ACSS1: variants seen among roughly 807,000 people sequenced by gnomAD.
The protein encoded by ACSS1 is acetyl-coenzyme A synthetase 2-like, mitochondrial.
Under a neutral mutation model 75.3 loss-of-function variants are expected in ACSS1, and 42 were observed. That is an observed-to-expected ratio of 0.56 (90% confidence interval 0.44 to 0.72). The LOEUF is 0.72. ACSS1 is among the 30% of genes least tolerant of loss of function. The pLI is 0.00. For synonymous variants in ACSS1, 380 were observed against 376.8 expected (o/e 1.01, Z -0.10); for missense variants, 782 against 935.7 (o/e 0.84, Z 2.14).
intron 2 of ACSS1, among the ~76,000 whole-genome samples, chr20:25,042,684 A>T (rs1043000151): frequency 2.6e-5 from 4 of 152,106 alleles, no homozygotes; most frequent in African/African-American, 9.7e-5. Context: ...GGCACACTTT[A>T]GCTGATGTAC....
chr20:25,028,675 G>A (rs886491292), intron 3 of ACSS1, among the ~76,000 whole-genome samples: 19 of 152,100 alleles, frequency 1.2e-4, no homozygotes, highest in African/African-American at 4.3e-4. Flanking sequence ...GAAAACATAC[G>A]AACAGGGAGG....
chr20:25,040,744 C>G (rs1442848092), intron 2 of ACSS1, among the ~76,000 whole-genome samples: 2 of 152,180 alleles, frequency 1.3e-5, no homozygotes, highest in African/African-American at 2.4e-5. Flanking sequence ...AGCCTGGGAG[C>G]CTGCAGCCCC....
chr20:25,031,665 AC>A (rs1309360589), intron 2 of ACSS1, among the ~76,000 whole-genome samples: 5 of 152,098 alleles, frequency 3.3e-5, no homozygotes, highest in African/African-American at 1.2e-4. Context: ...ATCTCTTTTC[AC>A]TGCGCTCTGC....
At chr20:25,018,620 C>G (rs144292395) in intron 7 of ACSS1, among the ~76,000 whole-genome samples, 190 of 152,330 alleles carry the variant, frequency 1.2e-3, no homozygotes, top group Non-Finnish European at 1.6e-3. Context: ...TCTCTGACCT[C>G]TCTGTGCCTC....
intron 6 of ACSS1, among the ~76,000 whole-genome samples, chr20:25,021,090 G>A (rs977665025): frequency 6.6e-6 from 1 of 152,226 alleles, no homozygotes; most frequent in Non-Finnish European, 1.5e-5. Flanking sequence ...GCCTAGAGGT[G>A]AGAAGGATGC....
At chr20:25,024,888 G>A (rs1489508616) in intron 3 of ACSS1, among the ~76,000 whole-genome samples, 1 of 152,124 alleles carries the variant, frequency 6.6e-6, no homozygotes, top group Non-Finnish European at 1.5e-5. Context: ...CTGCCCAGAT[G>A]CAGCCACCCC....
chr20:25,017,042 GA>G (rs1219309700), intron 7 of ACSS1, among the ~76,000 whole-genome samples: 1 of 151,442 alleles, frequency 6.6e-6, no homozygotes, highest in Non-Finnish European at 1.5e-5. Flanking sequence ...GCCTGGACTG[GA>G]GTGCAGTGGC....
At chr20:25,011,379 G>C (rs572388819) in intron 12 of ACSS1, 7 of 152,484 alleles carry the variant, frequency 4.6e-5, no homozygotes, top group Admixed American at 3.9e-4. Flanking sequence ...GTGGCCCCAG[G>C]GAGTACTGGC....
chr20:25,029,327 A>T (rs1427346841), intron 3 of ACSS1, among the ~76,000 whole-genome samples: 2 of 152,234 alleles, frequency 1.3e-5, no homozygotes, highest in Non-Finnish European at 2.9e-5. Context: ...CCACAATGAG[A>T]TACAACTTCA....
At chr20:25,053,962 AG>A (rs2089210238) in intron 1 of ACSS1, among the ~76,000 whole-genome samples, 1 of 152,256 alleles carries the variant, frequency 6.6e-6, no homozygotes, top group Non-Finnish European at 1.5e-5. Flanking sequence ...GATATGCCAC[AG>A]GGCAAAAAGA....
intron 2 of ACSS1, chr20:25,046,701 G>T: frequency 1.4e-6 from 1 of 723,938 alleles, no homozygotes; most frequent in Non-Finnish European, 2.6e-6. Context: ...GGCAGATGGA[G>T]CTGGGCCCAC....
intron 1 of ACSS1, among the ~76,000 whole-genome samples, chr20:25,055,008 T>C (rs566462247): frequency 3.8e-4 from 58 of 152,282 alleles, no homozygotes; most frequent in Non-Finnish European, 7.8e-4. Flanking sequence ...TCTCCATGTC[T>C]GCATCCTTCA....
chr20:25,012,910 G>A lies in ACSS1; in HGVS notation c.1609C>T (p.Arg537Ter), dbSNP rs751191659. 3.7e-6 allele frequency: 6 copies of A among 1,614,116 alleles called. No homozygotes were observed. Among genetic ancestry groups the A allele is most frequent in the East Asian group, 4.5e-5 (2 of 44,872 alleles). ...ATCTGGTAATAGCCGCCCTCAGTTC[G>A]GTAAGCCCCGTCTCCAGTGAAGTAA... ...GYYFTGDGAY[R>*]TEGGYYQITG... Residue 537 changes from arginine to a stop codon, truncating the protein, a stop_gained, in exon 11 of 14, where the codon CGA becomes TGA. Coordinates refer to ENST00000323482, the MANE Select transcript of ACSS1 (RefSeq NM_032501.4). LOFTEE classifies it high-confidence loss of function.
At position 25,030,968 on chromosome 20, in the gene ACSS1, A is replaced by G. The variant is rs757541967; in HGVS notation, c.432-10T>C. The G allele has an allele frequency of 6.2e-7, 1 of 1,613,464 alleles. No homozygotes were observed. The highest frequency in any genetic ancestry group is 8.5e-7 in the Non-Finnish European group (1 of 1,179,676). On this transcript the variant is annotated splice_polypyrimidine_tract_variant and intron_variant, in intron 2 of 13. Transcript: ENST00000323482. ...GGTCTCCAGTAGTTCCCTGCAGCAC[A>G]GGGAAGAGAAAGCCATCAGAGATGG...
chr20:25,021,486 G>A lies in ACSS1; in HGVS notation c.1011C>T (p.Ile337=), dbSNP rs201662802. ...PGDIFGCVAD[I]GWITGHSYVV... The stretch of plus-strand genomic sequence containing the variant: ...CGTAGCTGTGTCCTGTAATCCAACC[G>A]ATGTCGGCCACACAGCCAAAGATGT... The change falls in exon 6 of 14, where the codon ATC becomes ATT. Residue 337 remains isoleucine (I), a synonymous_variant. Transcript: ENST00000323482. The A allele has an allele frequency of 3.5e-5, 57 of 1,614,088 alleles. No homozygotes were observed. The highest frequency in any genetic ancestry group is 2.7e-4 in the East Asian group (12 of 44,894).
In ACSS1 at chr20:25,006,256, T is replaced by A. The variant is rs1038183417; in HGVS notation, c.*1506A>T. The A allele has an allele frequency of 1.3e-5, 2 of 152,212 alleles. No homozygotes were observed. Among genetic ancestry groups the A allele is most frequent in the African/African-American group, 4.8e-5 (2 of 41,444 alleles). The allele number at this position is 152,212 out of a possible 1,614,324, so 9.4% of individuals were successfully genotyped here. On this transcript the variant is annotated 3_prime_UTR_variant, in exon 14 of 14. Transcript: ENST00000323482. Reference sequence around the variant, plus strand: ...AGAAAATGAACAAAATAAAGCTTTATTTGAACTCCCTCCCCTACAGATCAT... The same window carrying A: ...AGAAAATGAACAAAATAAAGCTTTAATTGAACTCCCTCCCCTACAGATCAT...
intron 3 of ACSS1, among the ~76,000 whole-genome samples, chr20:25,030,404 T>C (rs2088800865): frequency 6.6e-6 from 1 of 152,222 alleles, no homozygotes; most frequent in African/African-American, 2.4e-5. Flanking sequence ...TGTTGACCTG[T>C]GGAACCTTCC....
chr20:25,032,499 A>G (rs2088844208), intron 2 of ACSS1: 2 of 1,272,296 alleles, frequency 1.6e-6, no homozygotes, highest in African/African-American at 3.1e-5. Context: ...TACTGACTTT[A>G]ATTAATTATT....
chr20:25,021,278 C>T, intron 6 of ACSS1, 111 bp downstream of exon 6: 2 of 1,403,508 alleles, frequency 1.4e-6, no homozygotes, highest in Middle Eastern at 5.1e-4. Flanking sequence ...GAGCCACACC[C>T]TCACCAGAAC....
Sources: gnomAD v4.1 joint callset for allele counts (sites outside exome capture counted in the v4.1 genomes callset) on GRCh38, gnomAD v4.1.1 for gene constraint, MANE v1.5 for transcripts, NCBI Gene and HGNC (gene_info 2026-07-23, HGNC 2026-07-21) for gene names.